ZNF469: variants seen among roughly 807,000 people sequenced by gnomAD.
ZNF469 encodes zinc finger protein 469.
Under a neutral mutation model 1.0 loss-of-function variants are expected in ZNF469, and 1 was observed. That is an observed-to-expected ratio of 1.00 (90% CI 0.35 to 4.73). ZNF469 has a LOEUF of 4.73. Among genes scored for constraint, ZNF469 ranks in the 30% most tolerant of loss-of-function variants. The pLI, the probability that ZNF469 is intolerant of heterozygous loss-of-function variation, is 0.16. For missense variants in ZNF469, 6,100 were observed against 5,356.3 expected, an observed-to-expected ratio of 1.14 and a Z score of -4.33; for synonymous variants, 2,703 against 2,363.4, an observed-to-expected ratio of 1.14 and a Z score of -4.17.
At chr16:88,359,307 C>T in the ZNF469 span, among the ~76,000 whole-genome samples, 9 of 150,464 alleles carry the variant, frequency 6.0e-5, no homozygotes, top group South Asian at 2.1e-4. Context: ...CCCGGGGGCT[C>T]GGTATCCTGC....
rs903876708 is a variant in ZNF469 at position 88,436,659 on chromosome 16, C to G, written c.9189C>G (p.Pro3063=). The part of the protein sequence containing the change: ...FEMQDLCFLG[P]FEDPVGLPGP... Reference sequence around the variant, plus strand: ...TGCAAGACCTGTGCTTTCTGGGACCCTTTGAAGACCCCGTGGGTCTCCCCG... The same window carrying G: ...TGCAAGACCTGTGCTTTCTGGGACCGTTTGAAGACCCCGTGGGTCTCCCCG... The change falls in exon 3 of 3, where the codon CCC becomes CCG. Residue 3063 remains proline (P), a synonymous_variant. Coordinates refer to ENST00000565624, the MANE Select transcript of ZNF469 (RefSeq NM_001367624.2). The G allele has an allele frequency of 1.1e-5, 17 of 1,550,362 alleles. No individual in the cohort carries two copies. The highest frequency in any genetic ancestry group is 1.3e-5 in the Non-Finnish European group (15 of 1,146,966).
the ZNF469 span, among the ~76,000 whole-genome samples, chr16:88,372,419 CCATCATCACCAT>C: frequency 3.4e-5 from 5 of 148,762 alleles, no homozygotes; most frequent in African/African-American, 1.3e-4. Flanking sequence ...ATCACCATCA[CCATCATCACCAT>C]CATCATCACC....
At chr16:88,294,429 C>A in the ZNF469 span, among the ~76,000 whole-genome samples, 1 of 152,218 alleles carries the variant, frequency 6.6e-6, no homozygotes, top group Non-Finnish European at 1.5e-5. Context: ...CCTTCCACAT[C>A]ATTGTGCAAA....
chr16:88,424,135 C>T lies in ZNF469; in HGVS notation c.-191-672C>T, dbSNP rs1006449304. ...CCATTGCTGTATTGTTTCTAAGGGCCGAATGCAGGCAGCAGCCCAGTGTCC... is the reference window on the plus strand; with the variant it reads ...CCATTGCTGTATTGTTTCTAAGGGCTGAATGCAGGCAGCAGCCCAGTGTCC... On this transcript the variant is annotated intron_variant, in intron 1 of 2. Transcript: ENST00000565624. The surrounding 1 kb of genome is among the most constrained non-coding windows in gnomAD (Gnocchi z 4.3). 3.3e-5 allele frequency among the ~76,000 whole-genome samples: 5 copies of T among 152,160 alleles called. No homozygotes were observed. Among genetic ancestry groups the T allele is most frequent in the Non-Finnish European group, 7.3e-5 (5 of 68,036 alleles).
intron 1 of ZNF469, among the ~76,000 whole-genome samples, chr16:88,395,489 G>A (rs1361432388): frequency 2.6e-5 from 4 of 151,972 alleles, no homozygotes; most frequent in Admixed American, 6.6e-5. Flanking sequence ...ATATATAATT[G>A]TATATATGTA....
the ZNF469 span, among the ~76,000 whole-genome samples, chr16:88,121,532 T>A: frequency 2.6e-5 from 4 of 152,210 alleles, no homozygotes; most frequent in East Asian, 7.7e-4. Flanking sequence ...GATGGGCCCT[T>A]GAAGTCTGGC....
chr16:88,151,441 C>T, the ZNF469 span, among the ~76,000 whole-genome samples: 535 of 152,312 alleles, frequency 3.5e-3, 5 homozygotes, highest in Non-Finnish European at 3.6e-3. This position sits in a 1 kb window ranked among gnomAD's most constrained non-coding sequence, Gnocchi z 5.4. Context: ...CAGAAATGGC[C>T]GCAGACTCTC....
chr16:88,115,313 T>C, the ZNF469 span, among the ~76,000 whole-genome samples: 2 of 152,008 alleles, frequency 1.3e-5, no homozygotes, highest in African/African-American at 4.8e-5. Flanking sequence ...ATTTTCATAA[T>C]CAGAAAAACA....
chr16:88,281,607 G>T, the ZNF469 span, among the ~76,000 whole-genome samples: 1 of 150,704 alleles, frequency 6.6e-6, no homozygotes, highest in Non-Finnish European at 1.5e-5. Flanking sequence ...TGGTGCGTGG[G>T]TTAATGCTGT....
the ZNF469 span, among the ~76,000 whole-genome samples, chr16:88,237,138 A>ACGCACCCTCCCTGCCCTCCT: frequency 2.7e-5 from 3 of 110,234 alleles, no homozygotes; most frequent in Non-Finnish European, 5.7e-5. Context: ...TAAATCCTCC[A>ACGCACCCTCCCTGCCCTCCT]TGCTCCTGCC....
the ZNF469 span, among the ~76,000 whole-genome samples, chr16:88,198,619 C>A: frequency 6.6e-6 from 1 of 152,148 alleles, no homozygotes; most frequent in African/African-American, 2.4e-5. Flanking sequence ...CTGGCCTTGG[C>A]GAAGCAGGTG....
the ZNF469 span, among the ~76,000 whole-genome samples, chr16:88,140,962 A>T: frequency 6.6e-6 from 1 of 152,108 alleles, no homozygotes; most frequent in South Asian, 2.1e-4. Context: ...AAAACAAAAA[A>T]ATCAAGTCTA....
the ZNF469 span, among the ~76,000 whole-genome samples, chr16:88,262,599 C>T: frequency 6.6e-6 from 1 of 152,102 alleles, no homozygotes; most frequent in Non-Finnish European, 1.5e-5. The surrounding 1 kb of genome is among the most constrained non-coding windows in gnomAD (Gnocchi z 4.3). Flanking sequence ...CTGCAGAGTC[C>T]CAGCAGAGAC....
chr16:88,113,615 C>T, the ZNF469 span, among the ~76,000 whole-genome samples: 1 of 152,200 alleles, frequency 6.6e-6, no homozygotes, highest in African/African-American at 2.4e-5. Flanking sequence ...TCAGTTACCT[C>T]CGCAGACTGT....
chr16:88,209,093 C>T, the ZNF469 span, among the ~76,000 whole-genome samples: 1 of 152,124 alleles, frequency 6.6e-6, no homozygotes, highest in Non-Finnish European at 1.5e-5. Context: ...CAATTAGAGT[C>T]ACCTGCCCCC....
chr16:88,196,678 C>T, the ZNF469 span, among the ~76,000 whole-genome samples: 2 of 152,244 alleles, frequency 1.3e-5, no homozygotes, highest in Non-Finnish European at 2.9e-5. Flanking sequence ...GCCCCTTGCT[C>T]TGCCCAAATT....
intron 1 of ZNF469, among the ~76,000 whole-genome samples, chr16:88,401,933 T>TGGATGGATGCAG (rs1270909883): frequency 4.4e-5 from 1 of 22,590 alleles, no homozygotes; most frequent in Non-Finnish European, 1.1e-4. Context: ...GATGGATGGA[T>TGGATGGATGCAG]AGATACGTGG....
At chr16:88,252,569 T>C in the ZNF469 span, among the ~76,000 whole-genome samples, 1 of 152,158 alleles carries the variant, frequency 6.6e-6, no homozygotes, top group African/African-American at 2.4e-5. Context: ...TTGGAGTTGT[T>C]ATCTGCGGGA....
chr16:88,429,638 G>A lies in ZNF469; in HGVS notation c.2168G>A (p.Ser723Asn), dbSNP rs777747160. 3.2e-6 allele frequency: 5 copies of A among 1,543,860 alleles called. No homozygotes were observed. In the South Asian group the frequency reaches 3.6e-5, roughly 11 times the overall value. The change falls in exon 3 of 3, where the codon AGC becomes AAC. Residue 723 changes from serine (S) to asparagine (N), a missense_variant. Transcript: ENST00000565624. ...PTHHFSLSSASLDQLDVLLTC... is the reference protein window; with the variant it reads ...PTHHFSLSSANLDQLDVLLTC... ...CACCACTTCTCCCTCAGCAGCGCCA[G>A]CCTGGACCAGCTGGACGTGCTGCTG...
Sources: allele counts gnomAD v4.1 joint callset (sites outside exome capture counted in the v4.1 genomes callset), GRCh38; gene constraint gnomAD v4.1.1; non-coding constraint Gnocchi (gnomAD v3.1); transcripts MANE v1.5; gene names NCBI Gene and HGNC (gene_info 2026-07-23, HGNC 2026-07-21).